The following DCDC1 variants were observed in gnomAD, a reference collection of about 807,000 sequenced individuals.
DCDC1 encodes the protein doublecortin domain containing 1.
DCDC1 carries 200 observed loss-of-function variants against 178.3 expected under a neutral mutation model. That is an observed-to-expected ratio of 1.12 (90% CI 1.00 to 1.26). DCDC1 has a LOEUF of 1.26. DCDC1 is among the 50% of genes most tolerant of loss of function. The pLI is 0.00. For synonymous variants in DCDC1, 690 were observed against 604.8 expected (o/e 1.14, Z -2.07); for missense variants, 1,983 against 1,749.2 (o/e 1.13, Z -2.38).
At chr11:31,240,535 C>G (rs1366995456) in intron 9 of DCDC1, among the ~76,000 whole-genome samples, 9 of 151,916 alleles carry the variant, frequency 5.9e-5, no homozygotes, top group Admixed American at 5.9e-4. Context: ...GACTGATAGC[C>G]CATTCCCACC....
chr11:31,354,543 T>G (rs1260779001), intron 1 of DCDC1, among the ~76,000 whole-genome samples: 1 of 152,180 alleles, frequency 6.6e-6, no homozygotes, highest in African/African-American at 2.4e-5. Flanking sequence ...TTAGTTTAAC[T>G]GGGGGCATGA....
chr11:30,878,618 G>A lies in DCDC1; in HGVS notation c.5327C>T (p.Thr1776Met), dbSNP rs779812009. ...GAGATGTGCCAGAGACAGCAGCTTC[G>A]TGGATGGTGACACCACAATGTCTGT... ...QATDIVVSPS[T>M]KLLSLAHLHN The change falls in exon 38 of 39, where the codon ACG (threonine) becomes ATG (methionine). Residue 1776 changes from threonine to methionine, a missense_variant. Thr to Met is a moderately conservative substitution (Grantham distance 81). Transcript: ENST00000684477. 44 of 1,609,644 alleles carry A rather than the reference G, an allele frequency of 2.7e-5. No homozygotes were observed. The highest frequency in any genetic ancestry group is 6.7e-5 in the Admixed American group (4 of 59,264).
chr11:31,325,787 T>C (rs1949612963), intron 3 of DCDC1, among the ~76,000 whole-genome samples: 1 of 151,944 alleles, frequency 6.6e-6, no homozygotes, highest in African/African-American at 2.4e-5. Flanking sequence ...GTGATACAAG[T>C]AGGAAAAACA....
intron 20 of DCDC1, among the ~76,000 whole-genome samples, chr11:30,986,845 G>GAAATTCCA (rs1356592829): frequency 6.6e-6 from 1 of 152,048 alleles, no homozygotes; most frequent in Non-Finnish European, 1.5e-5. Flanking sequence ...AAATATAATA[G>GAAATTCCA]AGTAAACAGT....
Position 31,103,700 on chromosome 11 carries a change from C to G in DCDC1, c.1821G>C (p.Met607Ile). The change falls in exon 14 of 39, where the codon ATG (methionine) becomes ATC (isoleucine). Residue 607 changes from methionine to isoleucine, a missense_variant. Physicochemically the swap from Met to Ile is conservative, Grantham distance 10. Coordinates refer to ENST00000684477, the MANE Select transcript of DCDC1 (RefSeq NM_001387274.1). ...RVSAFARGDI[M>I]VAYKTFLDPN... ...GATCCAAAAAGGTCTTATATGCAACCATGATATCACCTCTGGCAAATGCAC... is the reference window on the plus strand; with the variant it reads ...GATCCAAAAAGGTCTTATATGCAACGATGATATCACCTCTGGCAAATGCAC... 1.3e-6 allele frequency: 1 copy of G among 765,796 alleles called. No homozygotes were observed. Among genetic ancestry groups the G allele is most frequent in the Non-Finnish European group, 2.4e-6 (1 of 417,670 alleles). The allele number at this position is 765,796 out of a possible 1,614,324, so 47.4% of individuals were successfully genotyped here. A position where few individuals can be genotyped will look rare whatever the true frequency, so the allele number is the denominator to read the frequency against.
intron 9 of DCDC1, among the ~76,000 whole-genome samples, chr11:31,171,059 C>A (rs1226432748): frequency 6.6e-6 from 1 of 152,114 alleles, no homozygotes; most frequent in Non-Finnish European, 1.5e-5. Context: ...AACTCCCGAT[C>A]TCAGGTGATC....
chr11:31,026,910 C>T (rs1332014771), intron 20 of DCDC1, among the ~76,000 whole-genome samples: 1 of 151,696 alleles, frequency 6.6e-6, no homozygotes, highest in African/African-American at 2.4e-5. Flanking sequence ...AGCACAGCAA[C>T]CCTCTCTATG....
intron 20 of DCDC1, among the ~76,000 whole-genome samples, chr11:31,004,681 CAAAAAAAA>C (rs201483189): frequency 1.0e-3 from 73 of 72,538 alleles, no homozygotes; most frequent in African/African-American, 3.6e-3. Flanking sequence ...CACTCTGTCT[CAAAAAAAA>C]AAAAAAAAAA....
At chr11:31,151,163 G>A (rs1965130271) in intron 9 of DCDC1, among the ~76,000 whole-genome samples, 1 of 152,074 alleles carries the variant, frequency 6.6e-6, no homozygotes, top group Non-Finnish European at 1.5e-5. Flanking sequence ...TGAACACAAG[G>A]CAAAGAAAAT....
intron 20 of DCDC1, among the ~76,000 whole-genome samples, chr11:30,960,075 CTCTCAGGTAGTATGCCATAAAAGAG>C (rs1393157061): frequency 6.6e-6 from 1 of 152,116 alleles, no homozygotes; most frequent in Admixed American, 6.6e-5. Context: ...TCTGATCATA[CTCTCAGGTAGTATGCCATAAAAGAG>C]TCTAAATTCA....
chr11:31,332,558 C>G (rs1950049173), intron 2 of DCDC1, among the ~76,000 whole-genome samples: 1 of 152,126 alleles, frequency 6.6e-6, no homozygotes, highest in South Asian at 2.1e-4. Flanking sequence ...AAATGTGTCC[C>G]AGAAATTTTG....
chr11:30,898,362 A>G (rs1431163314), intron 34 of DCDC1, among the ~76,000 whole-genome samples: 3 of 152,180 alleles, frequency 2.0e-5, no homozygotes, highest in Non-Finnish European at 4.4e-5. Context: ...GTCCCAAGGA[A>G]TATATAGATG....
intron 9 of DCDC1, among the ~76,000 whole-genome samples, chr11:31,139,381 T>G (rs1410735431): frequency 6.6e-6 from 1 of 152,244 alleles, no homozygotes; most frequent in South Asian, 2.1e-4. Flanking sequence ...CTAAGAAAAC[T>G]TAAATATCAA....
intron 7 of DCDC1, among the ~76,000 whole-genome samples, chr11:31,284,914 T>C (rs995718065): frequency 1.2e-4 from 18 of 152,058 alleles, no homozygotes; most frequent in African/African-American, 4.3e-4. Flanking sequence ...GCTGGAATTA[T>C]AGGCATAAGC....
chr11:30,940,784 T>C (rs1297754386), intron 21 of DCDC1, among the ~76,000 whole-genome samples: 1 of 152,152 alleles, frequency 6.6e-6, no homozygotes, highest in Non-Finnish European at 1.5e-5. Flanking sequence ...TACTATTTCT[T>C]TCCTTCTAAT....
At chr11:31,280,733 C>T in intron 7 of DCDC1, 1 of 586,406 alleles carries the variant, frequency 1.7e-6, no homozygotes, top group Non-Finnish European at 3.2e-6. Flanking sequence ...CTTCTTAATG[C>T]CGGCAAAGAT....
intron 25 of DCDC1, among the ~76,000 whole-genome samples, chr11:30,917,276 A>G (rs560530367): frequency 1.3e-5 from 2 of 152,340 alleles, no homozygotes; most frequent in Admixed American, 1.3e-4. Flanking sequence ...ATGTTTACTC[A>G]GAAAAAAATG....
chr11:31,029,540 T>A (rs1953481537), intron 20 of DCDC1, among the ~76,000 whole-genome samples: 1 of 152,076 alleles, frequency 6.6e-6, no homozygotes, highest in Non-Finnish European at 1.5e-5. Context: ...TAATATATAT[T>A]TTTTAAATTG....
rs143659487 is a variant in DCDC1 at position 30,898,595 on chromosome 11, G to T, written c.4765+946C>A. 7.7e-3 allele frequency among the ~76,000 whole-genome samples: 1,174 copies of T among 152,246 alleles called. 4 individuals carry two copies. Among genetic ancestry groups the T allele is most frequent in the Middle Eastern group, 0.024 (7 of 294 alleles). On this transcript the variant is annotated intron_variant, in intron 34 of 38. Transcript: ENST00000684477. ...GAAACAAAGGAGGCATTGGTGTTGG[G>T]GTAGTATGACAGTTGTAGTTTTGGA... is the stretch of plus-strand genomic sequence containing the variant.
Sources: gnomAD v4.1 joint callset for allele counts (sites outside exome capture counted in the v4.1 genomes callset) on GRCh38, gnomAD v4.1.1 for gene constraint, MANE v1.5 for transcripts, NCBI Gene and HGNC (gene_info 2026-07-23, HGNC 2026-07-21) for gene names.